Variants in FRMD4B observed in about 807,000 individuals in gnomAD.
The protein encoded by FRMD4B is FERM domain-containing protein 4B.
Under a neutral mutation model 141.5 loss-of-function variants are expected in FRMD4B, and 74 were observed. That is an observed-to-expected ratio of 0.52 (90% CI 0.43 to 0.63). The LOEUF is 0.63. FRMD4B is among the 30% of genes least tolerant of loss of function. FRMD4B has a pLI of 0.00. For missense variants in FRMD4B, 1,366 were observed against 1,253.4 expected (o/e 1.09, Z -1.36); for synonymous variants, 506 against 467.9 (o/e 1.08, Z -1.05).
chr3:69,521,799 G>T (rs1196540420), intron 1 of FRMD4B, among the ~76,000 whole-genome samples: 1 of 152,050 alleles, frequency 6.6e-6, no homozygotes. Context: ...CCCATGGCGG[G>T]GTCTTTCTCA....
At chr3:69,227,084 T>A (rs2093261808) in intron 7 of FRMD4B, among the ~76,000 whole-genome samples, 1 of 152,180 alleles carries the variant, frequency 6.6e-6, no homozygotes, top group African/African-American at 2.4e-5. Context: ...AAAGATGAAG[T>A]TTAGTCTTCA....
At chr3:69,495,862 C>T (rs1256205780) in intron 1 of FRMD4B, among the ~76,000 whole-genome samples, 1 of 152,098 alleles carries the variant, frequency 6.6e-6, no homozygotes, top group Non-Finnish European at 1.5e-5. Context: ...TGAGGGCCAT[C>T]ATTTTATCTA....
chr3:69,249,380 C>T, intron 6 of FRMD4B, 132 bp from the exon 7 acceptor site: 1 of 600,236 alleles, frequency 1.7e-6, no homozygotes, highest in Non-Finnish European at 2.9e-6. Context: ...GGAATGCTCT[C>T]CCTATAGGCA....
chr3:69,341,278 G>GAA (rs202185136), intron 1 of FRMD4B, among the ~76,000 whole-genome samples: 1 of 152,082 alleles, frequency 6.6e-6, no homozygotes, highest in African/African-American at 2.4e-5. Context: ...AGTGGTTACT[G>GAA]AAAAAAATCT....
At chr3:69,176,423 G>C (rs2092646496) in intron 22 of FRMD4B, 101 bp downstream of exon 22, 1 of 994,502 alleles carries the variant, frequency 1.0e-6, no homozygotes, top group African/African-American at 1.6e-5. Context: ...GCTAGAGTTT[G>C]CCAACCCCTG....
chr3:69,455,949 C>G, intron 1 of FRMD4B, among the ~76,000 whole-genome samples: 1 of 152,126 alleles, frequency 6.6e-6, no homozygotes, highest in Non-Finnish European at 1.5e-5. Flanking sequence ...TGTTCTGAGG[C>G]TTAAATCAGA....
intron 1 of FRMD4B, among the ~76,000 whole-genome samples, chr3:69,526,999 C>T (rs1454323112): frequency 6.6e-6 from 1 of 152,168 alleles, no homozygotes; most frequent in Non-Finnish European, 1.5e-5. Flanking sequence ...TTCTTTCCTA[C>T]TGTGCTCTGC....
intron 1 of FRMD4B, among the ~76,000 whole-genome samples, chr3:69,448,608 C>A (rs1046061816): frequency 6.6e-6 from 1 of 152,100 alleles, no homozygotes; most frequent in Non-Finnish European, 1.5e-5. Flanking sequence ...GTTTGCACTT[C>A]CTAGATGACT....
At chr3:69,301,308 G>A (rs1277707450) in intron 4 of FRMD4B, among the ~76,000 whole-genome samples, 1 of 151,940 alleles carries the variant, frequency 6.6e-6, no homozygotes, top group Non-Finnish European at 1.5e-5. Flanking sequence ...GAGAAATATA[G>A]GTATTACTTC....
At chr3:69,311,949 A>G (rs1701607724) in intron 2 of FRMD4B, among the ~76,000 whole-genome samples, 1 of 152,184 alleles carries the variant, frequency 6.6e-6, no homozygotes, top group African/African-American at 2.4e-5. Flanking sequence ...CAAGGCCCAG[A>G]GTAGTTAAGC....
intron 20 of FRMD4B, 55 bp from the exon 21 acceptor site, chr3:69,181,765 A>G (rs2092711341): frequency 1.3e-5 from 14 of 1,093,156 alleles, no homozygotes; most frequent in Non-Finnish European, 1.9e-5. Context: ...GAGGACCCAA[A>G]TAAGAAAAAA....
chr3:69,215,274 T>G (rs1388851805), intron 11 of FRMD4B, among the ~76,000 whole-genome samples: 1 of 149,774 alleles, frequency 6.7e-6, no homozygotes, highest in African/African-American at 2.4e-5. Context: ...ATCTGATAGA[T>G]TGTGACCCTC....
intron 1 of FRMD4B, among the ~76,000 whole-genome samples, chr3:69,445,958 C>T (rs1199993224): frequency 2.6e-5 from 4 of 152,150 alleles, no homozygotes; most frequent in Admixed American, 6.6e-5. Flanking sequence ...GCTACATCCT[C>T]GTAGCCTGGG....
chr3:69,449,270 A>G (rs1705456942), intron 1 of FRMD4B, among the ~76,000 whole-genome samples: 1 of 152,360 alleles, frequency 6.6e-6, no homozygotes, highest in Non-Finnish European at 1.5e-5. Context: ...TATGACAGAA[A>G]TGAACTGTAT....
chr3:69,223,186 A>C (rs1016799854), intron 8 of FRMD4B, among the ~76,000 whole-genome samples: 11 of 152,202 alleles, frequency 7.2e-5, no homozygotes, highest in African/African-American at 2.7e-4. Context: ...TCTCCATATG[A>C]CTAGTTCTCA....
chr3:69,198,641 T>C, intron 12 of FRMD4B, 57 bp downstream of exon 12: 4 of 808,082 alleles, frequency 4.9e-6, no homozygotes, highest in South Asian at 3.0e-5. Flanking sequence ...CAAATGTTGA[T>C]AGCAGCGTTA....
intron 5 of FRMD4B, among the ~76,000 whole-genome samples, chr3:69,256,783 C>T (rs2093495675): frequency 6.6e-6 from 1 of 152,172 alleles, no homozygotes; most frequent in Admixed American, 6.5e-5. Flanking sequence ...AAAGCCAGGC[C>T]ATAGCTACTA....
intron 3 of FRMD4B, among the ~76,000 whole-genome samples, chr3:69,304,550 A>C (rs1460128229): frequency 6.6e-6 from 1 of 151,160 alleles, no homozygotes; most frequent in Non-Finnish European, 1.5e-5. Context: ...CTGTATATAT[A>C]TTATGGGCTT....
At chr3:69,542,455 CCCCGG>C (rs1701204221) in exon 1 of FRMD4B, 1 of 153,592 alleles carries the variant, frequency 6.5e-6, no homozygotes, top group Non-Finnish European at 1.4e-5. Context: ...CTGCCGCATC[CCCCGG>C]CCCGGGTCTG....
Sources: gnomAD v4.1 joint callset for allele counts (sites outside exome capture counted in the v4.1 genomes callset) on GRCh38, gnomAD v4.1.1 for gene constraint, MANE v1.5 for transcripts, NCBI Gene and HGNC (gene_info 2026-07-23, HGNC 2026-07-21) for gene names.